Variants in RABGAP1L observed in about 807,000 individuals in gnomAD.
The protein encoded by RABGAP1L is rab GTPase-activating protein 1-like.
RABGAP1L carries 63 observed loss-of-function variants against 137.7 expected under a neutral mutation model. The ratio of observed to expected loss-of-function variants is 0.46; its 90% confidence interval spans 0.37 to 0.56. RABGAP1L has a LOEUF of 0.56. Among genes scored for constraint, RABGAP1L ranks in the 20% least tolerant of loss-of-function variants. The pLI, the probability that RABGAP1L is intolerant of heterozygous loss-of-function variation, is 0.00. For synonymous variants in RABGAP1L, 431 were observed against 433.7 expected (o/e 0.99, Z 0.08); for missense variants, 1,095 against 1,244.0 (o/e 0.88, Z 1.80).
At chr1:174,653,295 A>G (rs992861277) in intron 14 of RABGAP1L, among the ~76,000 whole-genome samples, 10 of 151,962 alleles carry the variant, frequency 6.6e-5, no homozygotes, top group Non-Finnish European at 1.5e-4. Context: ...CCCCCTTTCC[A>G]GGGGAGTGTA....
chr1:174,618,184 C>T (rs1022561256), intron 13 of RABGAP1L, among the ~76,000 whole-genome samples: 5 of 152,156 alleles, frequency 3.3e-5, no homozygotes, highest in Non-Finnish European at 7.4e-5. Context: ...CTTAAGGAGG[C>T]CTGCTTACCT....
intron 13 of RABGAP1L, among the ~76,000 whole-genome samples, chr1:174,624,425 G>T (rs1672787781): frequency 6.6e-6 from 1 of 152,096 alleles, no homozygotes; most frequent in Non-Finnish European, 1.5e-5. Flanking sequence ...GCAATTTAAG[G>T]AAATAATGGA....
intron 13 of RABGAP1L, among the ~76,000 whole-genome samples, chr1:174,614,951 A>G (rs796298961): frequency 2.0e-4 from 31 of 152,000 alleles, no homozygotes; most frequent in African/African-American, 4.8e-4. Context: ...GCACTTCTCT[A>G]TATTGGTTAT....
chr1:174,402,894 G>T (rs1031652552), intron 13 of RABGAP1L, among the ~76,000 whole-genome samples: 2 of 152,094 alleles, frequency 1.3e-5, no homozygotes, highest in Admixed American at 6.6e-5. Context: ...TTTAGGGCAA[G>T]TCAAATTTTA....
Position 174,272,426 on chromosome 1 carries a change from G to A in RABGAP1L, c.999G>A (p.Met333Ile). 1 of 1,601,840 alleles carries A rather than the reference G, an allele frequency of 6.2e-7. No homozygotes were observed. The highest frequency in any genetic ancestry group is 8.5e-7 in the Non-Finnish European group (1 of 1,175,332). ...KELAIERCFGMLLSPGRNVKN... is the reference protein window; with the variant it reads ...KELAIERCFGILLSPGRNVKN... ...CCAATATTTTCAGATGTTTTGGAAT[G>A]TTATTAAGCCCAGGTCGAAACGTGA... Residue 333 changes from methionine to isoleucine, a missense_variant, in exon 8 of 26, where the codon ATG becomes ATA. Transcript: ENST00000681986.
chr1:174,886,779 C>T (rs1302246566), intron 19 of RABGAP1L, among the ~76,000 whole-genome samples: 1 of 151,712 alleles, frequency 6.6e-6, no homozygotes, highest in Non-Finnish European at 1.5e-5. Flanking sequence ...TTTTTCTTTA[C>T]ATTTTTTATG....
At chr1:174,847,464 T>G (rs1005848288) in intron 19 of RABGAP1L, among the ~76,000 whole-genome samples, 2 of 150,714 alleles carry the variant, frequency 1.3e-5, no homozygotes, top group East Asian at 2.0e-4. Context: ...CTGTAAAGTA[T>G]TTTATTTCTC....
intron 18 of RABGAP1L, among the ~76,000 whole-genome samples, chr1:174,804,124 A>G (rs948389412): frequency 6.6e-6 from 1 of 152,110 alleles, no homozygotes; most frequent in East Asian, 1.9e-4. Context: ...AAACACATTG[A>G]AAATGGTATC....
chr1:174,740,079 G>C (rs769119613), intron 17 of RABGAP1L, among the ~76,000 whole-genome samples: 2 of 152,094 alleles, frequency 1.3e-5, no homozygotes, highest in Non-Finnish European at 2.9e-5. Context: ...TAGGTGATAG[G>C]GGGAAAAGGT....
At chr1:174,427,142 TTATGTGTGTGTGTG>T (rs1652050928) in intron 13 of RABGAP1L, among the ~76,000 whole-genome samples, 1 of 115,466 alleles carries the variant, frequency 8.7e-6, no homozygotes, top group Non-Finnish European at 1.8e-5. Context: ...CTCCGCATGT[TTATGTGTGTGTGTG>T]TGTGTGTGTG....
chr1:174,701,181 C>T, intron 16 of RABGAP1L: 1 of 1,293,946 alleles, frequency 7.7e-7, no homozygotes, highest in Non-Finnish European at 1.0e-6. Context: ...CCTTGCTGTT[C>T]ATGCTTTTGA....
chr1:174,809,582 T>G (rs1294274457), intron 18 of RABGAP1L, among the ~76,000 whole-genome samples: 2 of 152,184 alleles, frequency 1.3e-5, no homozygotes, highest in Non-Finnish European at 2.9e-5. Context: ...CATCACCATT[T>G]TGGGGCATCT....
At chr1:174,497,758 C>T (rs976261480) in intron 13 of RABGAP1L, among the ~76,000 whole-genome samples, 4 of 152,172 alleles carry the variant, frequency 2.6e-5, no homozygotes, top group African/African-American at 7.2e-5. Flanking sequence ...AGAGCAGTGA[C>T]CTTGTCATTT....
chr1:174,987,528 C>A (rs1249460082), intron 24 of RABGAP1L, among the ~76,000 whole-genome samples: 1 of 152,086 alleles, frequency 6.6e-6, no homozygotes, highest in Non-Finnish European at 1.5e-5. Context: ...AAAAGATGAT[C>A]CAAAGTCGTC....
At chr1:174,789,155 CA>C (rs1687669708) in intron 18 of RABGAP1L, among the ~76,000 whole-genome samples, 2 of 152,108 alleles carry the variant, frequency 1.3e-5, no homozygotes, top group Admixed American at 1.3e-4. Flanking sequence ...CTCCTCTTAC[CA>C]AAAACCACAG....
chr1:174,292,329 C>CTTTTTTT (rs61636433), intron 10 of RABGAP1L, among the ~76,000 whole-genome samples: 4 of 50,622 alleles, frequency 7.9e-5, no homozygotes, highest in Admixed American at 2.8e-4. Flanking sequence ...CCTACCTAAT[C>CTTTTTTT]TTTTTTTTTT....
chr1:174,280,883 G>C (rs1342470685), intron 10 of RABGAP1L, among the ~76,000 whole-genome samples: 1 of 152,136 alleles, frequency 6.6e-6, no homozygotes, highest in East Asian at 1.9e-4. Context: ...GGTGTGTCCA[G>C]AGTTTGTTCC....
intron 14 of RABGAP1L, among the ~76,000 whole-genome samples, chr1:174,666,675 A>C (rs1423866434): frequency 6.6e-6 from 1 of 152,130 alleles, no homozygotes; most frequent in Non-Finnish European, 1.5e-5. Flanking sequence ...CTTTTTACCT[A>C]TAAATGTGCT....
At chr1:174,269,242 G>A (rs1247282999) in intron 7 of RABGAP1L, among the ~76,000 whole-genome samples, 1 of 152,344 alleles carries the variant, frequency 6.6e-6, no homozygotes, top group South Asian at 2.1e-4. Flanking sequence ...CTGCGCCACC[G>A]CGCCCGGCCA....
Sources: gnomAD v4.1 joint callset for allele counts (sites outside exome capture counted in the v4.1 genomes callset) on GRCh38, gnomAD v4.1.1 for gene constraint, MANE v1.5 for transcripts, NCBI Gene and HGNC (gene_info 2026-07-23, HGNC 2026-07-21) for gene names.